WAC: variants seen among roughly 807,000 people sequenced by gnomAD.
WAC encodes the protein WW domain containing adaptor with coiled-coil, also known as WW domain-containing adapter protein with coiled-coil.
WAC carries 11 observed loss-of-function variants against 79.6 expected under a neutral mutation model. The ratio of observed to expected loss-of-function variants is 0.14; its 90% CI spans 0.09 to 0.23. The LOEUF (loss-of-function observed/expected upper bound fraction) is 0.23, where lower values mean the gene tolerates loss of function less well. Ranked by LOEUF, WAC falls within the 10% of genes least tolerant of loss-of-function variation. The pLI, the probability that WAC is intolerant of heterozygous loss-of-function variation, is 1.00. For missense variants in WAC, 728 were observed against 773.5 expected, an observed-to-expected ratio of 0.94 and a Z score of 0.70; for synonymous variants, 304 against 276.9, an observed-to-expected ratio of 1.10 and a Z score of -0.97.
chr10:28,555,294 C>A (rs921731970), intron 3 of WAC, among the ~76,000 whole-genome samples: 1 of 152,206 alleles, frequency 6.6e-6, no homozygotes, highest in Non-Finnish European at 1.5e-5. Context: ...ACCTCTCCAA[C>A]CTTATATCTC....
intron 4 of WAC, chr10:28,588,675 A>G (rs917690087): frequency 1.3e-5 from 2 of 152,224 alleles, no homozygotes; most frequent in African/African-American, 4.8e-5. Flanking sequence ...AGGATAGGCT[A>G]TGATAGTATA....
intron 10 of WAC, among the ~76,000 whole-genome samples, chr10:28,613,249 C>A (rs569393446): frequency 1.3e-4 from 20 of 152,196 alleles, no homozygotes; most frequent in Non-Finnish European, 2.8e-4. Context: ...GACCTATAAT[C>A]CCAGCTACTC....
At chr10:28,573,224 G>A (rs1839069130) in intron 3 of WAC, among the ~76,000 whole-genome samples, 1 of 151,290 alleles carries the variant, frequency 6.6e-6, no homozygotes, top group African/African-American at 2.4e-5. Flanking sequence ...TTTAAAAATC[G>A]AGATGAAATT....
At chr10:28,565,019 CT>C (rs1838522438) in intron 3 of WAC, among the ~76,000 whole-genome samples, 1 of 152,200 alleles carries the variant, frequency 6.6e-6, no homozygotes, top group African/African-American at 2.4e-5. Context: ...CCCTTAGTAA[CT>C]ACTAATCTGT....
At chr10:28,544,958 G>T (rs779151376) in intron 3 of WAC, among the ~76,000 whole-genome samples, 1 of 150,382 alleles carries the variant, frequency 6.6e-6, no homozygotes, top group African/African-American at 2.5e-5. Flanking sequence ...CCAGCTACTC[G>T]AGAGGCCGAA....
intron 11 of WAC, 98 bp from the exon 12 acceptor site, chr10:28,616,075 A>G: frequency 1.0e-6 from 1 of 967,602 alleles, no homozygotes; most frequent in Non-Finnish European, 1.5e-6. Flanking sequence ...GAATTTGGAT[A>G]TCTTTAAGTT....
At chr10:28,560,852 A>G (rs1838266445) in intron 3 of WAC, among the ~76,000 whole-genome samples, 1 of 152,172 alleles carries the variant, frequency 6.6e-6, no homozygotes, top group South Asian at 2.1e-4. Context: ...CCTAATTTGT[A>G]CACTCCTGCT....
intron 10 of WAC, 34 bp from the exon 11 acceptor site, chr10:28,614,533 T>C: frequency 6.5e-7 from 1 of 1,538,624 alleles, no homozygotes; most frequent in Non-Finnish European, 9.0e-7. Context: ...TGGATTAGAT[T>C]TGGAGACCAT....
intron 3 of WAC, among the ~76,000 whole-genome samples, chr10:28,554,138 G>A (rs1466301570): frequency 6.6e-6 from 1 of 152,196 alleles, no homozygotes; most frequent in East Asian, 1.9e-4. Context: ...ACAGTGCTGG[G>A]ATTTATAGGC....
intron 5 of WAC, 51 bp from the exon 6 acceptor site, chr10:28,590,669 C>A: frequency 6.8e-7 from 1 of 1,469,938 alleles, no homozygotes; most frequent in Non-Finnish European, 9.2e-7. Flanking sequence ...AGTATGGAAA[C>A]TCATGCCCTT....
rs542958013 is a variant in WAC at position 28,561,649 on chromosome 10, G to A, written c.275-21750G>A. On this transcript the variant is annotated intron_variant, in intron 3 of 13. Coordinates refer to ENST00000354911, the MANE Select transcript of WAC (RefSeq NM_016628.5). The stretch of plus-strand genomic sequence containing the variant: ...AATAATACAGGTTTTTTGAAACCCC[G>A]GCGTCTTTAACCCCTGGGCCACAGA... Among the ~76,000 whole-genome samples the A allele has an allele frequency of 3.6e-4, 55 of 152,124 alleles. No homozygotes were observed. In the East Asian group the frequency reaches 6.8e-3, roughly 19 times the overall value.
intron 3 of WAC, among the ~76,000 whole-genome samples, chr10:28,548,998 A>C (rs1423979423): frequency 6.6e-6 from 1 of 152,164 alleles, no homozygotes; most frequent in African/African-American, 2.4e-5. Context: ...TCCTGGGCTC[A>C]AGTGATCCTC....
chr10:28,610,130 A>G (rs1405432294), intron 8 of WAC, among the ~76,000 whole-genome samples: 1 of 151,860 alleles, frequency 6.6e-6, no homozygotes, highest in Non-Finnish European at 1.5e-5. Flanking sequence ...ACAGGGTTTC[A>G]CTATGTTGGG....
chr10:28,580,871 C>T (rs1839496864), intron 3 of WAC, among the ~76,000 whole-genome samples: 1 of 152,138 alleles, frequency 6.6e-6, no homozygotes, highest in African/African-American at 2.4e-5. Flanking sequence ...TGGTGATTCT[C>T]TAAGACTCTC....
At chr10:28,587,208 A>G (rs908534683) in intron 4 of WAC, among the ~76,000 whole-genome samples, 1 of 152,270 alleles carries the variant, frequency 6.6e-6, no homozygotes, top group Non-Finnish European at 1.5e-5. Flanking sequence ...TAAACCCATT[A>G]TATGGTAACA....
At chr10:28,550,391 A>G (rs1837601758) in intron 3 of WAC, among the ~76,000 whole-genome samples, 1 of 147,920 alleles carries the variant, frequency 6.8e-6, no homozygotes, top group Non-Finnish European at 1.5e-5. Flanking sequence ...CCTTTGCCAA[A>G]CCTCTTACTC....
At chr10:28,565,274 T>G (rs1329929562) in intron 3 of WAC, among the ~76,000 whole-genome samples, 2 of 152,248 alleles carry the variant, frequency 1.3e-5, no homozygotes, top group Non-Finnish European at 2.9e-5. Flanking sequence ...ATAACATTCA[T>G]GTACAGATTC....
chr10:28,556,864 C>T (rs1838026004), intron 3 of WAC, among the ~76,000 whole-genome samples: 1 of 152,068 alleles, frequency 6.6e-6, no homozygotes, highest in Admixed American at 6.5e-5. Flanking sequence ...GCTTATTTGA[C>T]CGTGGAAGCA....
At chr10:28,619,379 TAACTGTAAACC>T in intron 13 of WAC, among the ~76,000 whole-genome samples, 147 bp from the exon 14 acceptor site, 1 of 152,366 alleles carries the variant, frequency 6.6e-6, no homozygotes. Flanking sequence ...TACTTTGTCT[TAACTGTAAACC>T]AATTTATAGT....
Sources: gnomAD v4.1 joint callset for allele counts (sites outside exome capture counted in the v4.1 genomes callset) on GRCh38, gnomAD v4.1.1 for gene constraint, MANE v1.5 for transcripts, NCBI Gene and HGNC (gene_info 2026-07-23, HGNC 2026-07-21) for gene names.